Variants in ABCA6 observed in about 807,000 individuals in gnomAD.
The protein encoded by ABCA6 is ATP binding cassette subfamily A member 6, also known as ATP-binding cassette sub-family A member 6.
A neutral mutation model predicts 191.2 loss-of-function variants in ABCA6; 164 were observed. The ratio of observed to expected loss-of-function variants is 0.86; its 90% CI spans 0.76 to 0.98. The LOEUF (loss-of-function observed/expected upper bound fraction) is 0.98, where lower values mean the gene tolerates loss of function less well. ABCA6 is among the 50% of genes least tolerant of loss of function. ABCA6 has a pLI of 0.00. For synonymous variants in ABCA6, 636 were observed against 647.7 expected, an observed-to-expected ratio of 0.98 and a Z score of 0.27; for missense variants, 1,958 against 1,894.1, an observed-to-expected ratio of 1.03 and a Z score of -0.63.
At chr17:69,099,605 G>A (rs549598666) in intron 22 of ABCA6, 7 of 154,418 alleles carry the variant, frequency 4.5e-5, no homozygotes, top group African/African-American at 1.2e-4. Flanking sequence ...TAATTCTGCA[G>A]TGAGACAGGT....
chr17:69,129,839 T>C lies in ABCA6; in HGVS notation c.792-88A>G. On this transcript the variant is annotated intron_variant, in intron 6 of 38. Transcript: ENST00000284425. The stretch of plus-strand genomic sequence containing the variant: ...CAAAAGCATCTAAAGAACAATGTAA[T>C]GACTACCCTTGTACCTTCTAGATTA... 6.2e-6 allele frequency: 6 copies of C among 961,714 alleles called. No individual in the cohort carries two copies. In the South Asian group the frequency reaches 9.8e-5, roughly 16 times the overall value. The allele number at this position is 961,714 out of a possible 1,614,324, so 59.6% of individuals were successfully genotyped here. A position where few individuals can be genotyped will look rare whatever the true frequency, so the allele number is the denominator to read the frequency against.
intron 26 of ABCA6, 106 bp from the exon 27 acceptor site, chr17:69,089,648 T>C: frequency 1.0e-6 from 1 of 958,832 alleles, no homozygotes; most frequent in Admixed American, 2.6e-5. Flanking sequence ...TCCTCATAGA[T>C]CTCAATTTCT....
At chr17:69,105,417 T>A in intron 20 of ABCA6, 45 bp downstream of exon 20, 17 of 1,486,252 alleles carry the variant, frequency 1.1e-5, no homozygotes, top group African/African-American at 1.4e-5. Flanking sequence ...TATTCAACAA[T>A]AAAAATAACT....
At chr17:69,090,459 T>G (rs947392819) in intron 26 of ABCA6, among the ~76,000 whole-genome samples, 1 of 152,204 alleles carries the variant, frequency 6.6e-6, no homozygotes, top group Non-Finnish European at 1.5e-5. Flanking sequence ...TTATTATTCA[T>G]CCTTTAGCCA....
At position 69,133,649 on chromosome 17, in the gene ABCA6, T is replaced by C; in HGVS notation, c.783A>G (p.Ser261=). 1.3e-6 allele frequency: 2 copies of C among 1,581,222 alleles called. No homozygotes were observed. The highest frequency in any genetic ancestry group is 1.7e-6 in the Non-Finnish European group (2 of 1,159,302). ...NLMKMMGLQD[S]AFWLSWGLIY... ...TTGAATTAGTCACTCACCAGAATGC[T>C]GAATCTTGGAGACCCATCATTTTCA... Residue 261 remains serine, a synonymous_variant, in exon 6 of 39, where the codon TCA becomes TCG. Transcript: ENST00000284425.
Position 69,098,017 on chromosome 17 carries a change from C to G in ABCA6, c.3023G>C (p.Gly1008Ala), listed in dbSNP as rs1449064462. ...ESSPFPLSHI[G>A]LWTGLPDGSF... Reference sequence around the variant, plus strand: ...ACCATCCGGCAACCCAGTCCAGAGTCCTATGTGGCTCTGAAAATATAAAGG... The same window carrying G: ...ACCATCCGGCAACCCAGTCCAGAGTGCTATGTGGCTCTGAAAATATAAAGG... The change falls in exon 23 of 39, where the codon GGA (glycine) becomes GCA (alanine). Residue 1008 changes from glycine to alanine, a missense_variant. Coordinates refer to ENST00000284425, the MANE Select transcript of ABCA6 (RefSeq NM_080284.3). The G allele has an allele frequency of 6.3e-7, 1 of 1,592,058 alleles. No homozygotes were observed. The highest frequency in any genetic ancestry group is 2.3e-5 in the East Asian group (1 of 44,244).
chr17:69,124,724 A>G (rs1186861622), intron 9 of ABCA6, among the ~76,000 whole-genome samples, 164 bp downstream of exon 9: 2 of 151,946 alleles, frequency 1.3e-5, no homozygotes, highest in Non-Finnish European at 2.9e-5. Flanking sequence ...GTTTTTACAT[A>G]AAAATTTCAT....
At chr17:69,094,024 T>C (rs2072992038) in intron 25 of ABCA6, among the ~76,000 whole-genome samples, 1 of 152,184 alleles carries the variant, frequency 6.6e-6, no homozygotes, top group African/African-American at 2.4e-5. Flanking sequence ...TAAGCATAAA[T>C]GGCAGCAAAG....
At position 69,079,079 on chromosome 17, in the gene ABCA6, T is replaced by G; in HGVS notation, c.4753-5A>C. On this transcript the variant is annotated splice_region_variant and splice_polypyrimidine_tract_variant and intron_variant, in intron 38 of 38. Coordinates refer to ENST00000284425, the MANE Select transcript of ABCA6 (RefSeq NM_080284.3). ...TTTAGAAAGCTCTAAGAATACCTAA[T>G]TAGGAGACAAAGAAGAAGGAAAGAA... 1.3e-6 allele frequency: 2 copies of G among 1,592,524 alleles called. No homozygotes were observed. The highest frequency in any genetic ancestry group is 2.2e-5 in the South Asian group (2 of 88,932).
intron 16 of ABCA6, 144 bp from the exon 17 acceptor site, chr17:69,111,084 TA>T: frequency 1.5e-6 from 1 of 687,638 alleles, no homozygotes; most frequent in Non-Finnish European, 2.3e-6. Context: ...AACATGATAG[TA>T]ATCTATCAGT....
intron 5 of ABCA6, among the ~76,000 whole-genome samples, chr17:69,134,138 A>G (rs916459221): frequency 6.6e-5 from 10 of 152,188 alleles, no homozygotes; most frequent in African/African-American, 2.4e-4. Context: ...TAGATATGCA[A>G]TGTGTTCCTT....
At chr17:69,136,784 T>A (rs2073955454) in intron 3 of ABCA6, among the ~76,000 whole-genome samples, 1 of 152,194 alleles carries the variant, frequency 6.6e-6, no homozygotes, top group Admixed American at 6.5e-5. Context: ...TTATTTTGGT[T>A]ACATCATAAT....
Position 69,106,078 on chromosome 17 carries a change from T to C in ABCA6, c.2523A>G (p.Ala841=). Residue 841 remains alanine (A), a synonymous_variant, in exon 19 of 39, where the codon GCA becomes GCG. Transcript: ENST00000284425. ...GLWRMQVFAM[A]RLRFLKLKRQ... is the part of the protein sequence containing the mutation. ...GTTTTAACTTTAAGAAACGGAGCCG[T>C]GCCATGGCAAAGACTTGCATTCTCC... 1 of 1,613,596 alleles carries C rather than the reference T, an allele frequency of 6.2e-7. No individual in the cohort carries two copies. The highest frequency in any genetic ancestry group is 8.5e-7 in the Non-Finnish European group (1 of 1,179,710).
chr17:69,133,647 G>T lies in ABCA6; in HGVS notation c.785C>A (p.Ala262Glu). The T allele has an allele frequency of 6.3e-7, 1 of 1,578,160 alleles. No individual in the cohort carries two copies. Among genetic ancestry groups the T allele is most frequent in the Non-Finnish European group, 8.6e-7 (1 of 1,156,774 alleles). Residue 262 changes from alanine to glutamate, a missense_variant, in exon 6 of 39, where the codon GCA (alanine) becomes GAA (glutamate). Ala to Glu is a moderately radical substitution (Grantham distance 107, BLOSUM62 -1). Transcript: ENST00000284425. ...LMKMMGLQDS[A>E]FWLSWGLIYA... ...ACTTGAATTAGTCACTCACCAGAAT[G>T]CTGAATCTTGGAGACCCATCATTTT... is the stretch of plus-strand genomic sequence containing the variant.
intron 21 of ABCA6, 51 bp downstream of exon 21, chr17:69,102,784 T>A: frequency 6.6e-7 from 1 of 1,526,174 alleles, no homozygotes; most frequent in Non-Finnish European, 8.8e-7. Context: ...TTAAAACAGC[T>A]AAAATGTAGT....
At chr17:69,122,614 A>T (rs972157486) in intron 10 of ABCA6, among the ~76,000 whole-genome samples, 3 of 152,052 alleles carry the variant, frequency 2.0e-5, no homozygotes, top group Non-Finnish European at 4.4e-5. Flanking sequence ...TCTGATTCAG[A>T]ATTTCTTACT....
rs957658698 is a variant in ABCA6 at position 69,102,831 on chromosome 17, A to C, written c.2874+4T>G. On this transcript the variant is annotated splice_donor_region_variant and intron_variant, in intron 21 of 38. Coordinates refer to ENST00000284425, the MANE Select transcript of ABCA6 (RefSeq NM_080284.3). ...TTTTCATAAAAGCAAAAAGGCAAAC[A>C]TACCTTTTGTTTACCAGAAACTATG... is the stretch of plus-strand genomic sequence containing the variant. 6.3e-7 allele frequency: 1 copy of C among 1,575,212 alleles called. No individual in the cohort carries two copies. Among genetic ancestry groups the C allele is most frequent in the Middle Eastern group, 1.7e-4 (1 of 5,972 alleles).
rs1334588039 is a variant in ABCA6 at position 69,096,285 on chromosome 17, G to T, written c.3363C>A (p.Arg1121=). ...FFIYMISFIF[R]KRRKNSGLWS... ...AAAGGCCACTGTTTTTTCTCCTTTT[G>T]CGAAAAATAAATGATATCATATATA... The change falls in exon 25 of 39, where the codon CGC becomes CGA. Residue 1121 remains arginine, a synonymous_variant. Transcript: ENST00000284425. The T allele has an allele frequency of 6.5e-7, 1 of 1,534,262 alleles. No homozygotes were observed. Among genetic ancestry groups the T allele is most frequent in the Non-Finnish European group, 8.8e-7 (1 of 1,141,140 alleles).
intron 30 of ABCA6, among the ~76,000 whole-genome samples, chr17:69,086,231 C>T (rs190083135): frequency 6.6e-6 from 1 of 152,224 alleles, no homozygotes; most frequent in East Asian, 1.9e-4. Context: ...TAAAAACTCT[C>T]CAATGGTATT....
Sources: gnomAD v4.1 joint callset for allele counts (sites outside exome capture counted in the v4.1 genomes callset) on GRCh38, gnomAD v4.1.1 for gene constraint, MANE v1.5 for transcripts, NCBI Gene and HGNC (gene_info 2026-07-23, HGNC 2026-07-21) for gene names.